Variants in UBAP2 observed in about 807,000 individuals in gnomAD.
The protein encoded by UBAP2 is ubiquitin-associated protein 2.
Under a neutral mutation model 139.6 loss-of-function variants are expected in UBAP2, and 75 were observed. The ratio of observed to expected loss-of-function variants is 0.54; its 90% CI spans 0.45 to 0.65. UBAP2 has a LOEUF of 0.65. UBAP2 is among the 30% of genes least tolerant of loss of function. The pLI is 0.00. For missense variants in UBAP2, 1,368 were observed against 1,369.6 expected, an observed-to-expected ratio of 1.00 and a Z score of 0.02; for synonymous variants, 526 against 526.2, an observed-to-expected ratio of 1.00 and a Z score of 0.01.
chr9:34,034,062 A>G (rs1037599946), intron 1 of UBAP2, among the ~76,000 whole-genome samples: 2 of 152,112 alleles, frequency 1.3e-5, no homozygotes, highest in African/African-American at 4.8e-5. Flanking sequence ...TGAAGACCAG[A>G]TGACCTAAAA....
At chr9:34,041,298 CAAAA>C (rs34270173) in intron 1 of UBAP2, among the ~76,000 whole-genome samples, 3 of 134,192 alleles carry the variant, frequency 2.2e-5, no homozygotes, top group Non-Finnish European at 3.2e-5. Context: ...ACTAAAAATG[CAAAA>C]AAAAAAAAAA....
chr9:33,989,288 G>A (rs1355173637), intron 4 of UBAP2, among the ~76,000 whole-genome samples, 162 bp from the exon 5 acceptor site: 3 of 148,690 alleles, frequency 2.0e-5, no homozygotes, highest in South Asian at 2.1e-4. Context: ...TGCAAGCTCC[G>A]CCTCCCAGGT....
At chr9:34,042,940 T>C (rs1299083034) in intron 1 of UBAP2, among the ~76,000 whole-genome samples, 4 of 151,900 alleles carry the variant, frequency 2.6e-5, no homozygotes, top group Non-Finnish European at 4.4e-5. Context: ...TGGTGATGCA[T>C]CCCTGTGGTC....
chr9:34,030,160 G>C (rs1384126966), intron 1 of UBAP2, among the ~76,000 whole-genome samples: 3 of 150,308 alleles, frequency 2.0e-5, no homozygotes, highest in Non-Finnish European at 4.4e-5. Context: ...AAATCAGCCA[G>C]GTGAGCCGGG....
chr9:33,925,063 C>A (rs912943160), intron 22 of UBAP2, among the ~76,000 whole-genome samples: 1 of 152,138 alleles, frequency 6.6e-6, no homozygotes, highest in Non-Finnish European at 1.5e-5. Context: ...GAGACAGAGA[C>A]GGCAAAGCAC....
At chr9:34,003,060 T>TG (rs1228862469) in intron 2 of UBAP2, among the ~76,000 whole-genome samples, 1 of 22,760 alleles carries the variant, frequency 4.4e-5, no homozygotes, top group African/African-American at 1.3e-4. Flanking sequence ...TCTTTCGTTG[T>TG]TTTTTTTTTT....
Position 33,986,819 on chromosome 9 carries a change from C to G in UBAP2, c.461G>C (p.Gly154Ala). ...RGREFRGEENGIDCNQVDKPS... is the reference protein window; with the variant it reads ...RGREFRGEENAIDCNQVDKPS... ...TTTGTCCACTTGATTGCAATCAATTCCATTTTCTTCACCTCTAACTAGGGG... is the reference window on the plus strand; with the variant it reads ...TTTGTCCACTTGATTGCAATCAATTGCATTTTCTTCACCTCTAACTAGGGG... The change falls in exon 6 of 29, where the codon GGA becomes GCA. Residue 154 changes from glycine (G) to alanine (A), a missense_variant. By Grantham distance (60) the Gly-to-Ala change is moderately conservative. Transcript: ENST00000379238. The G allele has an allele frequency of 6.2e-7, 1 of 1,614,086 alleles. No individual in the cohort carries two copies. The highest frequency in any genetic ancestry group is 1.3e-5 in the African/African-American group (1 of 75,018).
At chr9:34,023,772 G>A (rs1336698184) in intron 1 of UBAP2, among the ~76,000 whole-genome samples, 2 of 152,192 alleles carry the variant, frequency 1.3e-5, no homozygotes, top group African/African-American at 4.8e-5. Flanking sequence ...CAGGCCGGGT[G>A]CAGTAGCTCA....
chr9:33,993,129 G>C (rs1357228675), intron 4 of UBAP2, among the ~76,000 whole-genome samples: 1 of 152,184 alleles, frequency 6.6e-6, no homozygotes, highest in East Asian at 1.9e-4. Flanking sequence ...CTTTGTGACA[G>C]ATATACTTAC....
At chr9:33,969,890 A>C in intron 8 of UBAP2, among the ~76,000 whole-genome samples, 1 of 135,738 alleles carries the variant, frequency 7.4e-6, no homozygotes, top group Non-Finnish European at 1.6e-5. Context: ...AAAAAAAACC[A>C]GTTAAGCAAA....
intron 1 of UBAP2, among the ~76,000 whole-genome samples, chr9:34,026,214 T>G (rs1167844751): frequency 6.6e-6 from 1 of 152,182 alleles, no homozygotes; most frequent in Non-Finnish European, 1.5e-5. Context: ...AACAGTTAAT[T>G]AAATCCCAAA....
At chr9:33,936,351 A>G (rs1364394378) in intron 16 of UBAP2, among the ~76,000 whole-genome samples, 1 of 152,016 alleles carries the variant, frequency 6.6e-6, no homozygotes, top group Non-Finnish European at 1.5e-5. Context: ...CTGGAGTGCA[A>G]TGGCGCATCT....
chr9:34,000,453 G>A (rs1490150123), intron 2 of UBAP2, among the ~76,000 whole-genome samples: 4 of 152,234 alleles, frequency 2.6e-5, no homozygotes, highest in Admixed American at 6.5e-5. Context: ...TAGTTTTAAC[G>A]AAGGTACCGT....
intron 1 of UBAP2, among the ~76,000 whole-genome samples, chr9:34,041,278 C>T (rs1360458442): frequency 6.1e-5 from 9 of 146,760 alleles, no homozygotes; most frequent in Non-Finnish European, 1.3e-4. Context: ...CATAGTGAAC[C>T]CACAGCTCTA....
intron 6 of UBAP2, among the ~76,000 whole-genome samples, chr9:33,980,232 T>C (rs1367271086): frequency 1.0e-5 from 1 of 96,988 alleles, no homozygotes; most frequent in Non-Finnish European, 2.2e-5. Flanking sequence ...TTTTTTTTTT[T>C]TTTTTTTTTT....
intron 1 of UBAP2, among the ~76,000 whole-genome samples, chr9:34,048,030 G>C (rs1827764698): frequency 6.6e-6 from 1 of 152,200 alleles, no homozygotes; most frequent in Admixed American, 6.6e-5. Flanking sequence ...AAGCATTAGA[G>C]ACCAGAGTGG....
chr9:33,971,761 T>G lies in UBAP2; in HGVS notation c.576-7A>C. The G allele has an allele frequency of 1.3e-6, 2 of 1,547,750 alleles. No homozygotes were observed. Among genetic ancestry groups the G allele is most frequent in the Non-Finnish European group, 8.9e-7 (1 of 1,120,182 alleles). On this transcript the variant is annotated splice_polypyrimidine_tract_variant and splice_region_variant and intron_variant, in intron 7 of 28. Transcript: ENST00000379238. ...GTCTGCAGGATTAAATGTCCTGGGG[T>G]TTGAAATAAAGAAATAATAAAGGCA... is the stretch of plus-strand genomic sequence containing the variant.
chr9:33,963,155 G>A (rs923265011), intron 9 of UBAP2, among the ~76,000 whole-genome samples: 10 of 152,082 alleles, frequency 6.6e-5, no homozygotes, highest in Non-Finnish European at 1.2e-4. Context: ...GAAAAACAGC[G>A]AAACAGATAG....
At chr9:33,955,732 C>A (rs529566492) in intron 11 of UBAP2, among the ~76,000 whole-genome samples, 3 of 150,284 alleles carry the variant, frequency 2.0e-5, no homozygotes, top group Admixed American at 1.3e-4. Context: ...AGGCTTGAGG[C>A]AGGAGAATCA....
Sources: gnomAD v4.1 joint callset for allele counts (sites outside exome capture counted in the v4.1 genomes callset) on GRCh38, gnomAD v4.1.1 for gene constraint, MANE v1.5 for transcripts, NCBI Gene and HGNC (gene_info 2026-07-23, HGNC 2026-07-21) for gene names.